BTBD8: variants seen among roughly 807,000 people sequenced by gnomAD.
The protein encoded by BTBD8 is BTB/POZ domain-containing protein 8.
BTBD8 carries 110 observed loss-of-function variants against 162.9 expected under a neutral mutation model. The observed-to-expected ratio is 0.68, with a 90% CI of 0.58 to 0.79. The LOEUF (loss-of-function observed/expected upper bound fraction) is 0.79. BTBD8 is among the 30% of genes least tolerant of loss of function. BTBD8 has a pLI of 0.00. For synonymous variants in BTBD8, 667 were observed against 716.1 expected (o/e 0.93, Z 1.10); for missense variants, 1,905 against 2,085.4 (o/e 0.91, Z 1.68).
chr1:92,154,628 G>A (rs1403924507), intron 9 of BTBD8, among the ~76,000 whole-genome samples: 1 of 152,070 alleles, frequency 6.6e-6, no homozygotes, highest in African/African-American at 2.4e-5. Context: ...TTTTAACAGT[G>A]TTATCAGATT....
intron 7 of BTBD8, among the ~76,000 whole-genome samples, chr1:92,143,630 C>T (rs1455653913): frequency 6.6e-6 from 1 of 152,052 alleles, no homozygotes; most frequent in African/African-American, 2.4e-5. Flanking sequence ...CTTGCCTCAG[C>T]TTCCTGAGTA....
chr1:92,101,091 C>T (rs1648580081), intron 2 of BTBD8, among the ~76,000 whole-genome samples: 1 of 152,154 alleles, frequency 6.6e-6, no homozygotes, highest in African/African-American at 2.4e-5. Flanking sequence ...ACCGTTTCCC[C>T]CACCAATCCC....
intron 5 of BTBD8, among the ~76,000 whole-genome samples, chr1:92,134,294 C>T (rs1224710531): frequency 6.6e-6 from 1 of 152,212 alleles, no homozygotes; most frequent in Non-Finnish European, 1.5e-5. Flanking sequence ...TCTGTCCTGA[C>T]TAAAATCCTT....
At chr1:92,089,986 T>C (rs1270667898) in intron 2 of BTBD8, among the ~76,000 whole-genome samples, 1 of 152,240 alleles carries the variant, frequency 6.6e-6, no homozygotes, top group Non-Finnish European at 1.5e-5. Flanking sequence ...TATTTCTTTC[T>C]GTTGTTGCAT....
chr1:92,183,241 A>T (rs925319422), intron 17 of BTBD8, among the ~76,000 whole-genome samples: 1 of 152,106 alleles, frequency 6.6e-6, no homozygotes, highest in Non-Finnish European at 1.5e-5. Flanking sequence ...TGTCTTCCTT[A>T]TTATAGTAAT....
In BTBD8 at chr1:92,141,167, G is replaced by A. The variant is rs1570741485; in HGVS notation, c.886G>A (p.Ala296Thr). Reference protein sequence around the residue: ...MYGLEGLKEVAIYILRRDYCN... With the variant: ...MYGLEGLKEVTIYILRRDYCN... ...TGGACTAGAAGGATTAAAAGAAGTA[G>A]CAATCTATATTTTAAGAAGAGATTA... Residue 296 changes from alanine to threonine, a missense_variant, in exon 7 of 18, where the codon GCA (alanine) becomes ACA (threonine). This residue lies in a region of BTBD8 where 1,374 missense variants were observed against 1,442.7 expected (regional missense o/e 0.95). Coordinates refer to ENST00000636805, the MANE Select transcript of BTBD8 (RefSeq NM_001376131.1). 1.3e-6 allele frequency: 2 copies of A among 1,583,232 alleles called. No individual in the cohort carries two copies. The highest frequency in any genetic ancestry group is 1.7e-6 in the Non-Finnish European group (2 of 1,162,782).
Position 92,181,844 on chromosome 1 carries a change from T to C in BTBD8, c.4161T>C (p.Asp1387=). 6.4e-7 allele frequency: 1 copy of C among 1,551,060 alleles called. No homozygotes were observed. The highest frequency in any genetic ancestry group is 2.0e-5 in the Admixed American group (1 of 50,958). Reference sequence around the variant, plus strand: ...CTTCTTCAGCAGATGAAACAGAAGATGAAAGATCTGAAGCTGAAAACGTTG... The same window carrying C: ...CTTCTTCAGCAGATGAAACAGAAGACGAAAGATCTGAAGCTGAAAACGTTG... ...QVSSSADETE[D]ERSEAENVAE... The change falls in exon 17 of 18, where the codon GAT becomes GAC. Residue 1387 remains aspartate (D), a synonymous_variant. Transcript: ENST00000636805.
chr1:92,169,591 T>C (rs558225448), intron 12 of BTBD8, among the ~76,000 whole-genome samples: 18 of 152,118 alleles, frequency 1.2e-4, no homozygotes, highest in Non-Finnish European at 2.2e-4. Context: ...AATATCAAAA[T>C]AAAAATTTGA....
chr1:92,167,014 A>G lies in BTBD8; in HGVS notation c.1179A>G (p.Leu393=). Residue 393 remains leucine (L), a synonymous_variant, in exon 10 of 18, where the codon TTA becomes TTG. Coordinates refer to ENST00000636805, the MANE Select transcript of BTBD8 (RefSeq NM_001376131.1). ...LMESDRLIIS[L]PRVKWTEAAL... ...AAAGTGACAGGCTAATCATCAGTTT[A>G]CCCAGAGTGAAGTGGACGGAAGCAG... The G allele has an allele frequency of 6.4e-7, 1 of 1,550,890 alleles. No individual in the cohort carries two copies. The highest frequency in any genetic ancestry group is 8.7e-7 in the Non-Finnish European group (1 of 1,147,060).
In BTBD8 at chr1:92,177,441, G is replaced by A. The variant is rs1190151957; in HGVS notation, c.2248G>A (p.Gly750Arg). 5.6e-5 allele frequency: 87 copies of A among 1,551,546 alleles called. No homozygotes were observed. The highest frequency in any genetic ancestry group is 7.5e-5 in the Non-Finnish European group (86 of 1,146,996). The part of the protein sequence containing the change: ...TECLDEPKEN[G>R]STEEEKPSGH... The stretch of plus-strand genomic sequence containing the variant: ...ATGTCTGGATGAACCGAAAGAAAAT[G>A]GATCAACAGAAGAAGAAAAGCCTTC... Residue 750 changes from glycine to arginine, a missense_variant, in exon 14 of 18, where the codon GGA becomes AGA. Gly to Arg is a moderately radical substitution (Grantham distance 125). Transcript: ENST00000636805.
chr1:92,091,254 C>T (rs926939413), intron 2 of BTBD8, among the ~76,000 whole-genome samples: 1 of 152,156 alleles, frequency 6.6e-6, no homozygotes, highest in African/African-American at 2.4e-5. Context: ...CTTCCTCCTC[C>T]TCCGGCCATG....
chr1:92,095,647 C>G (rs1389558142), intron 2 of BTBD8, among the ~76,000 whole-genome samples: 1 of 152,184 alleles, frequency 6.6e-6, no homozygotes, highest in Admixed American at 6.5e-5. Context: ...GTCCTCCTTC[C>G]ATAAAGATTT....
chr1:92,179,301 T>C (rs1244373902), intron 16 of BTBD8, among the ~76,000 whole-genome samples: 1 of 151,764 alleles, frequency 6.6e-6, no homozygotes, highest in Admixed American at 6.6e-5. Flanking sequence ...ACAACTATAA[T>C]ACATAAGGAG....
intron 5 of BTBD8, among the ~76,000 whole-genome samples, chr1:92,133,207 T>G (rs577022537): frequency 6.6e-6 from 1 of 152,340 alleles, no homozygotes; most frequent in South Asian, 2.1e-4. Flanking sequence ...ATCATAAACC[T>G]TGGTGTCCTT....
In BTBD8 at chr1:92,180,467, A is replaced by G. The variant is rs1470281279; in HGVS notation, c.2784A>G (p.Lys928=). The G allele has an allele frequency of 6.4e-7, 1 of 1,550,812 alleles. No individual in the cohort carries two copies. Among genetic ancestry groups the G allele is most frequent in the Admixed American group, 2.0e-5 (1 of 50,822 alleles). Residue 928 remains lysine (K), a synonymous_variant, in exon 17 of 18, where the codon AAA becomes AAG. Coordinates refer to ENST00000636805, the MANE Select transcript of BTBD8 (RefSeq NM_001376131.1). ...AMPKNLNQSK[K]GETLNNKDSK... ...CTAAAAATCTAAATCAGTCAAAGAA[A>G]GGTGAAACTTTGAATAATAAAGATT...
chr1:92,081,635 G>A (rs1238095746), intron 1 of BTBD8, among the ~76,000 whole-genome samples: 1 of 151,996 alleles, frequency 6.6e-6, no homozygotes, highest in Non-Finnish European at 1.5e-5. Context: ...GCGCCGTGGC[G>A]CGATCTCGGC....
chr1:92,166,140 T>C (rs1444147093), intron 9 of BTBD8, among the ~76,000 whole-genome samples: 1 of 152,128 alleles, frequency 6.6e-6, no homozygotes, highest in South Asian at 2.1e-4. Flanking sequence ...TAATGAATGA[T>C]GAAATGAATA....
At chr1:92,088,567 C>T (rs1648216158) in intron 1 of BTBD8, 131 bp from the exon 2 acceptor site, 1 of 685,860 alleles carries the variant, frequency 1.5e-6, no homozygotes. Context: ...AGAACAAACT[C>T]ATTTTTGTAT....
chr1:92,125,866 A>T, intron 4 of BTBD8: 1 of 417,202 alleles, frequency 2.4e-6, no homozygotes, highest in Non-Finnish European at 4.8e-6. Flanking sequence ...GAGCAAGGAG[A>T]GAGGGATGTC....
Sources: gnomAD v4.1 joint callset for allele counts (sites outside exome capture counted in the v4.1 genomes callset) on GRCh38, gnomAD v4.1.1 for gene constraint, gnomAD v4.1.1 regional missense constraint, MANE v1.5 for transcripts, NCBI Gene and HGNC (gene_info 2026-07-23, HGNC 2026-07-21) for gene names.